Variants in GLRA3 observed in about 807,000 individuals in gnomAD.
The protein encoded by GLRA3 is glycine receptor subunit alpha-3.
Under a neutral mutation model 60.4 loss-of-function variants are expected in GLRA3, and 44 were observed. That is an observed-to-expected ratio of 0.73 (90% CI 0.57 to 0.94). The LOEUF (loss-of-function observed/expected upper bound fraction) is 0.94. Ranked by LOEUF, GLRA3 falls within the 40% of genes least tolerant of loss-of-function variation. GLRA3 has a pLI of 0.00. For synonymous variants in GLRA3, 223 were observed against 192.9 expected, an observed-to-expected ratio of 1.16 and a Z score of -1.29; for missense variants, 508 against 564.6, an observed-to-expected ratio of 0.90 and a Z score of 1.02.
intron 9 of GLRA3, among the ~76,000 whole-genome samples, chr4:174,649,966 A>T (rs1252754806): frequency 1.3e-5 from 2 of 152,146 alleles, no homozygotes; most frequent in African/African-American, 4.8e-5. Context: ...TTTGGTCCAG[A>T]TCATTGTCAA....
intron 2 of GLRA3, among the ~76,000 whole-genome samples, chr4:174,784,402 G>C (rs1273311562): frequency 6.9e-6 from 1 of 143,930 alleles, no homozygotes; most frequent in Non-Finnish European, 1.5e-5. Context: ...CACCAGCATG[G>C]CACATGTATA....
chr4:174,650,530 T>G (rs775174883), intron 9 of GLRA3, among the ~76,000 whole-genome samples: 8 of 152,180 alleles, frequency 5.3e-5, no homozygotes, highest in Admixed American at 3.9e-4. Flanking sequence ...TGACAGCTAC[T>G]GACATTCTCT....
chr4:174,821,326 T>C (rs1338763899), intron 1 of GLRA3, among the ~76,000 whole-genome samples: 1 of 152,182 alleles, frequency 6.6e-6, no homozygotes. Flanking sequence ...TTTAATTGTT[T>C]ATTGTAAAAA....
At chr4:174,807,076 A>G (rs1296796607) in intron 1 of GLRA3, among the ~76,000 whole-genome samples, 1 of 152,054 alleles carries the variant, frequency 6.6e-6, no homozygotes, top group African/African-American at 2.4e-5. Context: ...GTCTATCTTG[A>G]ATAGGATGCT....
chr4:174,792,873 G>T (rs1302888678), intron 1 of GLRA3, among the ~76,000 whole-genome samples: 1 of 152,110 alleles, frequency 6.6e-6, no homozygotes, highest in Non-Finnish European at 1.5e-5. Flanking sequence ...ACTCCATGCT[G>T]TCCCCTCTGG....
intron 1 of GLRA3, among the ~76,000 whole-genome samples, chr4:174,804,489 A>G (rs949676630): frequency 2.0e-5 from 3 of 152,132 alleles, no homozygotes; most frequent in Non-Finnish European, 4.4e-5. Context: ...GTAGGGGTGG[A>G]GAAGAGTGGA....
At chr4:174,681,416 T>C (rs1212055006) in intron 6 of GLRA3, among the ~76,000 whole-genome samples, 2 of 152,164 alleles carry the variant, frequency 1.3e-5, no homozygotes, top group African/African-American at 4.8e-5. Context: ...CAAGTTAAAA[T>C]GAAATTGTCC....
chr4:174,822,379 T>A (rs1740774032), intron 1 of GLRA3, among the ~76,000 whole-genome samples: 1 of 152,110 alleles, frequency 6.6e-6, no homozygotes, highest in Non-Finnish European at 1.5e-5. Context: ...TCATCATAAG[T>A]GGAGAAAATC....
intron 2 of GLRA3, among the ~76,000 whole-genome samples, chr4:174,783,839 T>C (rs1004182780): frequency 3.9e-5 from 6 of 152,172 alleles, no homozygotes; most frequent in African/African-American, 1.4e-4. Context: ...GGAGAGGATG[T>C]GGAGGAATAG....
intron 1 of GLRA3, among the ~76,000 whole-genome samples, chr4:174,816,641 T>G (rs534120134): frequency 6.6e-6 from 1 of 151,900 alleles, no homozygotes; most frequent in East Asian, 1.9e-4. Context: ...TTTTTTTTTC[T>G]TGGTCATTTC....
chr4:174,722,452 T>C (rs1335703417), intron 4 of GLRA3, among the ~76,000 whole-genome samples: 2 of 152,168 alleles, frequency 1.3e-5, no homozygotes. Flanking sequence ...AATTTGAAAA[T>C]ATTAATTATT....
At chr4:174,700,529 G>A (rs552948582) in intron 5 of GLRA3, among the ~76,000 whole-genome samples, 1 of 152,254 alleles carries the variant, frequency 6.6e-6, no homozygotes, top group Non-Finnish European at 1.5e-5. Flanking sequence ...CCTTTAAGTA[G>A]TCGCTGAAAG....
intron 3 of GLRA3, among the ~76,000 whole-genome samples, chr4:174,743,128 T>C (rs566666752): frequency 5.3e-5 from 8 of 152,332 alleles, no homozygotes; most frequent in African/African-American, 1.7e-4. Flanking sequence ...AAACCTTTTA[T>C]ACAGCTTCTG....
chr4:174,812,884 G>A (rs1321738544), intron 1 of GLRA3, among the ~76,000 whole-genome samples: 2 of 151,758 alleles, frequency 1.3e-5, no homozygotes, highest in African/African-American at 2.4e-5. Flanking sequence ...AACTATTATA[G>A]GCAAAACATT....
At chr4:174,772,525 C>G (rs754508153) in intron 2 of GLRA3, among the ~76,000 whole-genome samples, 3 of 151,986 alleles carry the variant, frequency 2.0e-5, no homozygotes, top group Non-Finnish European at 2.9e-5. Flanking sequence ...GACATCAAAT[C>G]CTAATTCCAA....
At chr4:174,818,762 A>G (rs1016439700) in intron 1 of GLRA3, among the ~76,000 whole-genome samples, 1 of 152,210 alleles carries the variant, frequency 6.6e-6, no homozygotes. Context: ...AGGCAAGTTA[A>G]GGACTCAGAG....
In GLRA3 at chr4:174,669,916, A is replaced by G. The variant is rs536552418; in HGVS notation, c.927+7162T>C. ...ATAAAATACAACAGAGAATCACATA[A>G]TAACAAAACTTCATTGTTTCCAAAG... On this transcript the variant is annotated intron_variant, in intron 7 of 9. Coordinates refer to ENST00000274093, the MANE Select transcript of GLRA3 (RefSeq NM_006529.4). Among the ~76,000 whole-genome samples, 23 of 152,328 alleles carry G rather than the reference A, an allele frequency of 1.5e-4. No individual in the cohort carries two copies. The South Asian group carries it at 4.6e-3, about 30-fold the overall frequency.
intron 9 of GLRA3, among the ~76,000 whole-genome samples, chr4:174,653,435 G>A (rs569416986): frequency 5.9e-5 from 9 of 151,900 alleles, no homozygotes; most frequent in East Asian, 1.9e-4. Flanking sequence ...TAAGTCAATC[G>A]TTAATATAAA....
chr4:174,825,723 A>C (rs1409991564), intron 1 of GLRA3, among the ~76,000 whole-genome samples: 1 of 152,090 alleles, frequency 6.6e-6, no homozygotes, highest in Non-Finnish European at 1.5e-5. Context: ...ATCCAAAACA[A>C]GTATGAAAGT....
Sources: gnomAD v4.1 joint callset for allele counts (sites outside exome capture counted in the v4.1 genomes callset) on GRCh38, gnomAD v4.1.1 for gene constraint, MANE v1.5 for transcripts, NCBI Gene and HGNC (gene_info 2026-07-23, HGNC 2026-07-21) for gene names.